RERG: variants seen among roughly 807,000 people sequenced by gnomAD.
RERG encodes the protein ras-related and estrogen-regulated growth inhibitor.
A neutral mutation model predicts 23.2 loss-of-function variants in RERG; 25 were observed. The observed-to-expected ratio is 1.08, with a 90% CI of 0.79 to 1.50. The LOEUF (loss-of-function observed/expected upper bound fraction) is 1.50, where lower values mean the gene tolerates loss of function less well. Ranked by LOEUF, RERG falls within the 40% of genes most tolerant of loss-of-function variation. The probability of loss-of-function intolerance (pLI) is 0.00; values close to 1 mark genes in which losing one functional copy is unlikely to be tolerated. For synonymous variants in RERG, 81 were observed against 89.1 expected, an observed-to-expected ratio of 0.91 and a Z score of 0.51; for missense variants, 253 against 250.1, an observed-to-expected ratio of 1.01 and a Z score of -0.08.
Position 15,109,101 on chromosome 12 carries a change from C to T in RERG, c.*9G>A. 6.4e-7 allele frequency: 1 copy of T among 1,565,444 alleles called. No homozygotes were observed. Among genetic ancestry groups the T allele is most frequent in the Non-Finnish European group, 8.7e-7 (1 of 1,155,940 alleles). ...TTTCCAATTAGTTGGTCCACCTCAGCTGGGCTGCCTAACTACTGATTTTGG... is the reference window on the plus strand; with the variant it reads ...TTTCCAATTAGTTGGTCCACCTCAGTTGGGCTGCCTAACTACTGATTTTGG... On this transcript the variant is annotated 3_prime_UTR_variant, in exon 5 of 5. Coordinates refer to ENST00000256953, the MANE Select transcript of RERG (RefSeq NM_032918.3).
chr12:15,145,256 T>C (rs1168707104), intron 2 of RERG, among the ~76,000 whole-genome samples: 2 of 152,208 alleles, frequency 1.3e-5, no homozygotes, highest in Non-Finnish European at 2.9e-5. Flanking sequence ...GAGATAAATT[T>C]TGGTGTGGAC....
intron 2 of RERG, among the ~76,000 whole-genome samples, chr12:15,150,208 GAATATTT>G (rs1402289997): frequency 6.6e-6 from 1 of 152,044 alleles, no homozygotes; most frequent in East Asian, 1.9e-4. Flanking sequence ...TTTCATTTGG[GAATATTT>G]ACACAGTGTA....
Position 15,213,674 on chromosome 12 carries a change from C to T in RERG, c.61+3755G>A, listed in dbSNP as rs560836726. On this transcript the variant is annotated intron_variant, in intron 2 of 4. Coordinates refer to ENST00000256953, the MANE Select transcript of RERG (RefSeq NM_032918.3). ...TCCCTCACATGTTTTATCAGTGCTC[C>T]TTAGTAATCAGCACATTATTAAATT... Among the ~76,000 whole-genome samples, 4 of 152,280 alleles carry T rather than the reference C, an allele frequency of 2.6e-5. No individual in the cohort carries two copies. The East Asian group carries it at 7.7e-4, about 29-fold the overall frequency.
intron 2 of RERG, among the ~76,000 whole-genome samples, chr12:15,143,113 G>A (rs1374402356): frequency 6.6e-6 from 1 of 152,172 alleles, no homozygotes; most frequent in Non-Finnish European, 1.5e-5. Context: ...GTAGGTTAAT[G>A]TAATAGGTTA....
At chr12:15,203,223 C>T (rs942452922) in intron 2 of RERG, among the ~76,000 whole-genome samples, 2 of 151,512 alleles carry the variant, frequency 1.3e-5, no homozygotes, top group Non-Finnish European at 3.0e-5. Flanking sequence ...TTAAAATTAA[C>T]CCTTTATCAA....
At chr12:15,142,593 G>T (rs1364566193) in intron 2 of RERG, among the ~76,000 whole-genome samples, 1 of 152,030 alleles carries the variant, frequency 6.6e-6, no homozygotes, top group African/African-American at 2.4e-5. Context: ...ATCAATTTTG[G>T]ATTGTTTGGT....
chr12:15,145,771 T>C (rs968310846), intron 2 of RERG, among the ~76,000 whole-genome samples: 1 of 152,236 alleles, frequency 6.6e-6, no homozygotes, highest in African/African-American at 2.4e-5. Flanking sequence ...GGTGGCTGAA[T>C]TGGCCGTAAA....
intron 3 of RERG, among the ~76,000 whole-genome samples, chr12:15,116,043 C>G (rs1163953615): frequency 6.6e-6 from 1 of 152,206 alleles, no homozygotes; most frequent in African/African-American, 2.4e-5. Context: ...TTCGCAATTT[C>G]AGAATATTCC....
rs192309546 is a variant in RERG, at chr12:15,182,089, G to T, written c.61+35340C>A. On this transcript the variant is annotated intron_variant, in intron 2 of 4. Coordinates refer to ENST00000256953, the MANE Select transcript of RERG (RefSeq NM_032918.3). Reference sequence around the variant, plus strand: ...TTTTTTTTTTTTGAGATGGAGTTTCGCTGTTGTTGCCCAGGCTGGAGTGCA... The same window carrying T: ...TTTTTTTTTTTTGAGATGGAGTTTCTCTGTTGTTGCCCAGGCTGGAGTGCA... Among the ~76,000 whole-genome samples, 220 of 137,652 alleles carry T rather than the reference G, an allele frequency of 1.6e-3. 1 individual carries two copies. Among genetic ancestry groups the T allele is most frequent in the Non-Finnish European group, 2.9e-3 (190 of 64,970 alleles). 90.3% of individuals were successfully genotyped at this position (137,652 alleles called of 152,430 possible).
intron 2 of RERG, among the ~76,000 whole-genome samples, chr12:15,139,014 CTTT>C (rs34755371): frequency 3.8e-3 from 192 of 51,106 alleles, no homozygotes; most frequent in African/African-American, 0.013. Flanking sequence ...TGTGTCTAGA[CTTT>C]TTTTTTTTTT....
At chr12:15,178,776 T>G (rs1420639511) in intron 2 of RERG, among the ~76,000 whole-genome samples, 1 of 152,130 alleles carries the variant, frequency 6.6e-6, no homozygotes, top group Non-Finnish European at 1.5e-5. Context: ...TATGTGGAGA[T>G]TCAATAAAAG....
intron 2 of RERG, among the ~76,000 whole-genome samples, chr12:15,139,683 A>G (rs1240453430): frequency 6.6e-6 from 1 of 152,182 alleles, no homozygotes; most frequent in Non-Finnish European, 1.5e-5. Flanking sequence ...GTTATTTGAT[A>G]TAATTACTTA....
intron 4 of RERG, among the ~76,000 whole-genome samples, chr12:15,110,452 G>A (rs150276513): frequency 0.021 from 2,192 of 106,188 alleles, 17 homozygotes; most frequent in Non-Finnish European, 0.034. Context: ...CATTCCAGTG[G>A]CCATTTTTTT....
At chr12:15,131,151 A>C (rs1298548787) in intron 2 of RERG, among the ~76,000 whole-genome samples, 1 of 152,122 alleles carries the variant, frequency 6.6e-6, no homozygotes, top group Admixed American at 6.5e-5. Context: ...TTTGCTGAAG[A>C]ATTTAAATTG....
At chr12:15,136,596 A>G (rs1042027886) in intron 2 of RERG, among the ~76,000 whole-genome samples, 1 of 151,910 alleles carries the variant, frequency 6.6e-6, no homozygotes, top group Non-Finnish European at 1.5e-5. Flanking sequence ...GATAAGTTGT[A>G]TTTTTACTTT....
chr12:15,109,648 A>G (rs1863567760), intron 4 of RERG, 131 bp from the exon 5 acceptor site: 1 of 662,712 alleles, frequency 1.5e-6, no homozygotes, highest in Non-Finnish European at 2.5e-6. Context: ...GTGGTACTCT[A>G]ATTGTACAAA....
chr12:15,109,241 T>C lies in RERG; in HGVS notation c.469A>G (p.Thr157Ala). Residue 157 changes from threonine (T) to alanine (A), a missense_variant, in exon 5 of 5, where the codon ACA becomes GCA. Physicochemically the swap from Thr to Ala is moderately conservative, Grantham distance 58. Transcript: ENST00000256953. ...CSACTGEGNI[T>A]EIFYELCREV... ...CGACACAATTCATAGAATATCTCTGTGATGTTCCCTTCTCCAGTGCAGGCA... is the reference window on the plus strand; with the variant it reads ...CGACACAATTCATAGAATATCTCTGCGATGTTCCCTTCTCCAGTGCAGGCA... 1 of 1,614,122 alleles carries C rather than the reference T, an allele frequency of 6.2e-7. No individual in the cohort carries two copies. Among genetic ancestry groups the C allele is most frequent in the Non-Finnish European group, 8.5e-7 (1 of 1,180,000 alleles).
chr12:15,186,602 G>T (rs752143377), intron 2 of RERG, among the ~76,000 whole-genome samples: 4 of 152,028 alleles, frequency 2.6e-5, no homozygotes, highest in Non-Finnish European at 5.9e-5. Flanking sequence ...AGAGAAGGAG[G>T]AAGTGAAAAA....
intron 2 of RERG, among the ~76,000 whole-genome samples, chr12:15,135,826 A>T (rs1268795430): frequency 6.6e-6 from 1 of 152,030 alleles, no homozygotes; most frequent in Non-Finnish European, 1.5e-5. Context: ...AGATTTTTGC[A>T]TTTATGTTCA....
Sources: allele counts gnomAD v4.1 joint callset (sites outside exome capture counted in the v4.1 genomes callset), GRCh38; gene constraint gnomAD v4.1.1; transcripts MANE v1.5; gene names NCBI Gene and HGNC (gene_info 2026-07-23, HGNC 2026-07-21).